The following TTC23L variants were observed in gnomAD, a reference collection of about 807,000 sequenced individuals.
The protein encoded by TTC23L is tetratricopeptide repeat domain 23 like.
TTC23L carries 42 observed loss-of-function variants against 48.1 expected under a neutral mutation model. The ratio of observed to expected loss-of-function variants is 0.87; its 90% CI spans 0.68 to 1.13. The LOEUF is 1.13. TTC23L is among the 50% of genes most tolerant of loss of function. The probability of loss-of-function intolerance (pLI) is 0.00; values close to 1 mark genes in which losing one functional copy is unlikely to be tolerated. For synonymous variants in TTC23L, 159 were observed against 157.2 expected (o/e 1.01, Z -0.09); for missense variants, 391 against 421.0 (o/e 0.93, Z 0.62).
intron 7 of TTC23L, 95 bp downstream of exon 7, chr5:34,867,164 A>G: frequency 7.8e-7 from 1 of 1,287,508 alleles, no homozygotes; most frequent in Admixed American, 2.0e-5. Flanking sequence ...CAGAAGAACA[A>G]GGGCTGGAAT....
chr5:34,904,951 G>GTATC, the TTC23L span, among the ~76,000 whole-genome samples: 1 of 152,168 alleles, frequency 6.6e-6, no homozygotes, highest in Non-Finnish European at 1.5e-5. Context: ...GCCACTACTA[G>GTATC]TATCTATTAT....
chr5:34,921,504 TAAG>T, the TTC23L span: 1 of 152,212 alleles, frequency 6.6e-6, no homozygotes, highest in Non-Finnish European at 1.5e-5. Context: ...TAAGATTGGC[TAAG>T]AAGATTGATT....
intron 4 of TTC23L, among the ~76,000 whole-genome samples, chr5:34,853,001 G>GGGTT (rs1759803978): frequency 2.6e-5 from 4 of 152,174 alleles, no homozygotes; most frequent in African/African-American, 9.7e-5. Context: ...CCCTGCCCCT[G>GGGTT]TGATTGAATT....
At chr5:34,881,925 C>T (rs1353555164) in intron 9 of TTC23L, among the ~76,000 whole-genome samples, 6 of 152,008 alleles carry the variant, frequency 3.9e-5, no homozygotes, top group Non-Finnish European at 5.9e-5. Context: ...CCACTACACC[C>T]GGCTAATTTT....
chr5:34,914,999 G>A, the TTC23L span: 2 of 1,199,294 alleles, frequency 1.7e-6, no homozygotes, highest in Non-Finnish European at 2.3e-6. Context: ...ATCAGTGCTG[G>A]CGAGGTCCGG....
chr5:34,846,525 A>T (rs1759151714), intron 3 of TTC23L, among the ~76,000 whole-genome samples: 1 of 134,122 alleles, frequency 7.5e-6, no homozygotes, highest in Non-Finnish European at 1.5e-5. Context: ...ATGCCATTGC[A>T]CTCCAGCCCG....
intron 8 of TTC23L, among the ~76,000 whole-genome samples, chr5:34,872,264 G>A (rs566903824): frequency 6.6e-6 from 1 of 152,304 alleles, no homozygotes; most frequent in South Asian, 2.1e-4. Context: ...TCTAGCCTGG[G>A]TAACACAGTA....
exon 6 of TTC23L, chr5:34,864,492 A>C: frequency 6.2e-7 from 1 of 1,613,912 alleles, no homozygotes; most frequent in Non-Finnish European, 8.5e-7. Context: ...GAAGGAGCTG[A>C]AAGAATTATA....
downstream of TTC23L, among the ~76,000 whole-genome samples, chr5:34,901,953 T>C (rs1407760457): frequency 6.6e-6 from 1 of 152,226 alleles, no homozygotes; most frequent in Non-Finnish European, 1.5e-5. Context: ...TGGTTGTTTA[T>C]GAAGAAAATC....
At chr5:34,908,704 A>C in the TTC23L span, 1 of 1,402,882 alleles carries the variant, frequency 7.1e-7, no homozygotes, top group Non-Finnish European at 9.7e-7. Context: ...AGAGTACTGT[A>C]CTCAGAATAA....
the TTC23L span, chr5:34,922,249 C>G: frequency 6.3e-7 from 1 of 1,591,770 alleles, no homozygotes. Flanking sequence ...ATAAATGCAT[C>G]TATTTTGAAG....
At chr5:34,884,274 C>T (rs1242822223) in intron 9 of TTC23L, among the ~76,000 whole-genome samples, 1 of 152,082 alleles carries the variant, frequency 6.6e-6, no homozygotes, top group Non-Finnish European at 1.5e-5. Context: ...ATAATAAAGG[C>T]CATACATATA....
At chr5:34,892,706 A>C (rs1762946236) in intron 9 of TTC23L, among the ~76,000 whole-genome samples, 1 of 152,200 alleles carries the variant, frequency 6.6e-6, no homozygotes, top group Admixed American at 6.5e-5. Flanking sequence ...ATTAGCAGGT[A>C]GACAAGAAGC....
intron 4 of TTC23L, among the ~76,000 whole-genome samples, chr5:34,855,013 G>T (rs1205287656): frequency 1.3e-5 from 2 of 152,160 alleles, no homozygotes; most frequent in African/African-American, 4.8e-5. Context: ...TAGGGTTTGG[G>T]TAGGTGGAAG....
the TTC23L span, chr5:34,922,749 C>T: frequency 1.8e-5 from 29 of 1,613,824 alleles, no homozygotes; most frequent in Non-Finnish European, 2.4e-5. Flanking sequence ...GGTTCTCGGC[C>T]CCTTTTGTCT....
intron 4 of TTC23L, 28 bp from the exon 5 acceptor site, chr5:34,862,870 C>T: frequency 6.2e-7 from 1 of 1,612,110 alleles, no homozygotes; most frequent in Non-Finnish European, 8.5e-7. Context: ...TGTCTGTCTT[C>T]TTGCTCCTCA....
the TTC23L span, chr5:34,915,541 C>T: frequency 2.5e-5 from 15 of 599,942 alleles, no homozygotes; most frequent in East Asian, 4.9e-4. Context: ...CGGCCCTCCA[C>T]CTCGGCCACC....
At chr5:34,909,977 G>A in the TTC23L span, among the ~76,000 whole-genome samples, 1 of 152,082 alleles carries the variant, frequency 6.6e-6, no homozygotes, top group Non-Finnish European at 1.5e-5. Context: ...CATCTTCCAG[G>A]TGTGGTTTTC....
At position 34,863,381 on chromosome 5, in the gene TTC23L, G is replaced by C. The variant is rs944488976; in HGVS notation, c.536+327G>C. On this transcript the variant is annotated intron_variant, in intron 5 of 10. Coordinates refer to ENST00000505624, the Ensembl canonical transcript of TTC23L. The surrounding 1 kb of genome is among the most constrained non-coding windows in gnomAD (Gnocchi z 4.1). ...AGCAATGAGGATGAGGGTGGTGGTG[G>C]TGGTGGTGGTGTAGTGATGGAGAGA... Among the ~76,000 whole-genome samples, 1 of 152,148 alleles carries C rather than the reference G, an allele frequency of 6.6e-6. No individual in the cohort carries two copies. Among genetic ancestry groups the C allele is most frequent in the Non-Finnish European group, 1.5e-5 (1 of 68,030 alleles).
Sources: gnomAD v4.1 joint callset for allele counts (sites outside exome capture counted in the v4.1 genomes callset) on GRCh38, gnomAD v4.1.1 for gene constraint, Gnocchi (gnomAD v3.1) non-coding constraint, MANE v1.5 for transcripts, NCBI Gene and HGNC (gene_info 2026-07-23, HGNC 2026-07-21) for gene names.